LRIG2: variants seen among roughly 807,000 people sequenced by gnomAD.
The protein encoded by LRIG2 is leucine-rich repeats and immunoglobulin-like domains protein 2.
Under a neutral mutation model 107.8 loss-of-function variants are expected in LRIG2, and 93 were observed. That is an observed-to-expected ratio of 0.86 (90% confidence interval 0.73 to 1.03). The LOEUF is 1.03. Ranked by LOEUF, LRIG2 falls within the 50% of genes least tolerant of loss-of-function variation. The pLI, the probability that LRIG2 is intolerant of heterozygous loss-of-function variation, is 0.00. For synonymous variants in LRIG2, 471 were observed against 470.6 expected (o/e 1.00, Z -0.01); for missense variants, 1,226 against 1,296.0 (o/e 0.95, Z 0.83).
chr1:113,126,189 A>C lies in LRIG2; in HGVS notation c.*2088A>C, dbSNP rs1287472457. The C allele has an allele frequency of 6.6e-6, 1 of 152,132 alleles. No homozygotes were observed. The highest frequency in any genetic ancestry group is 1.5e-5 in the Non-Finnish European group (1 of 68,030). The allele number at this position is 152,132 out of a possible 1,614,324, so 9.4% of individuals were successfully genotyped here. A position where few individuals can be genotyped will look rare whatever the true frequency, so the allele number is the denominator to read the frequency against. ...CTATGGGTCAGTTATTTGCTCTCTC[A>C]ATGTCTCATGTTGCTGAGTTCTAGA... is the stretch of plus-strand genomic sequence containing the variant. On this transcript the variant is annotated 3_prime_UTR_variant, in exon 18 of 18. Transcript: ENST00000361127.
At chr1:113,121,491 C>T (rs1655253878) in intron 17 of LRIG2, among the ~76,000 whole-genome samples, 1 of 151,996 alleles carries the variant, frequency 6.6e-6, no homozygotes, top group Non-Finnish European at 1.5e-5. Flanking sequence ...CGCCTGTAAT[C>T]CCAGCACTTT....
intron 15 of LRIG2, 44 bp from the exon 16 acceptor site, chr1:113,116,243 C>T (rs1318256022): frequency 6.4e-7 from 1 of 1,561,884 alleles, no homozygotes. Flanking sequence ...TGAGTGTTGG[C>T]TTCAACTGCC....
In LRIG2 at chr1:113,093,560, T is replaced by C. The variant is rs771155020; in HGVS notation, c.511T>C (p.Tyr171His). The C allele has an allele frequency of 1.9e-6, 3 of 1,586,204 alleles. No homozygotes were observed. The highest frequency in any genetic ancestry group is 2.2e-5 in the South Asian group (2 of 90,778). ...TTCATTTCCTCGCATGCAGCTTAAA[T>C]ACCTGTAAGTAACACAGATTAAATT... ...TSSFPRMQLK[Y>H]LNLSNNRITT... Residue 171 changes from tyrosine (Y) to histidine (H), a missense_variant, in exon 4 of 18, where the codon TAC becomes CAC. This residue lies in a region of LRIG2 where 570 missense variants were observed against 550.2 expected (regional missense o/e 1.04). Transcript: ENST00000361127.
intron 11 of LRIG2, among the ~76,000 whole-genome samples, chr1:113,101,503 A>G (rs758838004): frequency 1.3e-5 from 2 of 152,266 alleles, no homozygotes; most frequent in Non-Finnish European, 2.9e-5. Context: ...ATGAGAAGAT[A>G]AGGATAGAAA....
chr1:113,112,055 A>G (rs1437859641), intron 13 of LRIG2, among the ~76,000 whole-genome samples: 2 of 151,866 alleles, frequency 1.3e-5, no homozygotes, highest in African/African-American at 2.4e-5. Flanking sequence ...GATTAAGTGT[A>G]TCATGCATCC....
intron 1 of LRIG2, among the ~76,000 whole-genome samples, chr1:113,086,214 A>T (rs1330122074): frequency 6.6e-6 from 1 of 151,916 alleles, no homozygotes; most frequent in Non-Finnish European, 1.5e-5. Context: ...CATGTTGGCA[A>T]GGCTGGTCTT....
In LRIG2 at chr1:113,127,561, T is replaced by C. The variant is rs995154736; in HGVS notation, c.*3460T>C. The C allele has an allele frequency of 2.7e-5, 4 of 146,848 alleles. No individual in the cohort carries two copies. The highest frequency in any genetic ancestry group is 1.0e-4 in the African/African-American group (4 of 39,654). 9.1% of individuals were successfully genotyped at this position (146,848 alleles called of 1,614,324 possible). ...ATTCTTATACTGTAAAGCCTTGTAGTGGTCCTTATTTTTTTTTTTTTGAGA... is the reference window on the plus strand; with the variant it reads ...ATTCTTATACTGTAAAGCCTTGTAGCGGTCCTTATTTTTTTTTTTTTGAGA... On this transcript the variant is annotated 3_prime_UTR_variant, in exon 18 of 18. Coordinates refer to ENST00000361127, the MANE Select transcript of LRIG2 (RefSeq NM_014813.3).
At chr1:113,089,655 C>T (rs1357399043) in intron 1 of LRIG2, among the ~76,000 whole-genome samples, 1 of 138,850 alleles carries the variant, frequency 7.2e-6, no homozygotes, top group Non-Finnish European at 1.6e-5. Flanking sequence ...AGATTAATTT[C>T]CTCTTACTGA....
chr1:113,114,725 G>A lies in LRIG2; in HGVS notation c.2379G>A (p.Gln793=), dbSNP rs776491882. The part of the protein sequence containing the change: ...VISSPNCDSS[Q]SSIGHEDDGW... ...CATCCCCCAATTGTGACTCTTCCCAGAGTAGCATTGGGCATGAAGATGATG... is the reference window on the plus strand; with the variant it reads ...CATCCCCCAATTGTGACTCTTCCCAAAGTAGCATTGGGCATGAAGATGATG... Residue 793 remains glutamine, a synonymous_variant, in exon 15 of 18, where the codon CAG becomes CAA. Transcript: ENST00000361127. 2.7e-5 allele frequency: 44 copies of A among 1,614,070 alleles called. No homozygotes were observed. Among genetic ancestry groups the A allele is most frequent in the Non-Finnish European group, 3.6e-5 (43 of 1,180,052 alleles).
rs150592221 is a variant in LRIG2 at position 113,090,129 on chromosome 1, C to T, written c.240-1189C>T. ...ACAGTTAAGGCATAATACATAATCACTACAGGGAATAAAGAAACTCTTTAA... is the reference window on the plus strand; with the variant it reads ...ACAGTTAAGGCATAATACATAATCATTACAGGGAATAAAGAAACTCTTTAA... On this transcript the variant is annotated intron_variant, in intron 1 of 17. Transcript: ENST00000361127. 2.8e-4 allele frequency among the ~76,000 whole-genome samples: 42 copies of T among 152,140 alleles called. 1 individual carries two copies. The East Asian group carries it at 7.9e-3, about 29-fold the overall frequency.
chr1:113,095,468 G>A (rs750639634), intron 6 of LRIG2, among the ~76,000 whole-genome samples: 2 of 151,876 alleles, frequency 1.3e-5, no homozygotes, highest in Admixed American at 1.3e-4. Flanking sequence ...GAGTGCAGTG[G>A]CACAGTCTCG....
At position 113,073,215 on chromosome 1, in the gene LRIG2, C is replaced by G. The variant is rs893785144; in HGVS notation, c.-192C>G. The stretch of plus-strand genomic sequence containing the variant: ...GGAGGGGCGGACGAGAGGTGTCCGT[C>G]AGGCCGTGTGTCCCAGGCCGTCGAC... On this transcript the variant is annotated 5_prime_UTR_variant, in exon 1 of 18. Transcript: ENST00000361127. 1 of 595,344 alleles carries G rather than the reference C, an allele frequency of 1.7e-6. No homozygotes were observed. Among genetic ancestry groups the G allele is most frequent in the East Asian group, 2.7e-5 (1 of 36,488 alleles). The allele number at this position is 595,344 out of a possible 1,614,324, so 36.9% of individuals were successfully genotyped here.
chr1:113,121,249 TC>T (rs1655240683), intron 17 of LRIG2, among the ~76,000 whole-genome samples: 2 of 152,198 alleles, frequency 1.3e-5, no homozygotes, highest in Non-Finnish European at 2.9e-5. Flanking sequence ...TGGGCTTGTG[TC>T]CCCTGTCTCA....
chr1:113,089,510 T>G (rs1432026712), intron 1 of LRIG2, among the ~76,000 whole-genome samples: 1 of 152,128 alleles, frequency 6.6e-6, no homozygotes, highest in South Asian at 2.1e-4. Context: ...GAAAGTATTT[T>G]AAAAGTATTT....
chr1:113,111,640 T>G (rs1654779742), intron 13 of LRIG2, among the ~76,000 whole-genome samples: 1 of 152,248 alleles, frequency 6.6e-6, no homozygotes, highest in Non-Finnish European at 1.5e-5. Flanking sequence ...CAAAAGCTTC[T>G]TAAAAACAGC....
intron 1 of LRIG2, among the ~76,000 whole-genome samples, chr1:113,075,655 C>T (rs1652943437): frequency 6.8e-6 from 1 of 147,818 alleles, no homozygotes. Flanking sequence ...GACAAAACAG[C>T]TTCATTTAGC....
Position 113,093,255 on chromosome 1 carries a change from A to C in LRIG2, c.355A>C (p.Thr119Pro). 3 of 1,597,790 alleles carry C rather than the reference A, an allele frequency of 1.9e-6. No homozygotes were observed. Among genetic ancestry groups the C allele is most frequent in the Non-Finnish European group, 8.5e-7 (1 of 1,171,544 alleles). The change falls in exon 3 of 18, where the codon ACA becomes CCA. Residue 119 changes from threonine (T) to proline (P), a missense_variant. Thr to Pro is a conservative substitution (Grantham distance 38). Around this residue, in one of 3 missense-constraint regions of LRIG2, gnomAD observed 570 missense variants for 550.2 expected, o/e 1.04. Coordinates refer to ENST00000361127, the MANE Select transcript of LRIG2 (RefSeq NM_014813.3). ...LTEIPYFGEP[T>P]SNITLLSLVH... ...AGAAATCCCGTATTTTGGAGAACCT[A>C]CATCTAATATTACTCTACTTTCATT...
intron 2 of LRIG2, 148 bp from the exon 3 acceptor site, chr1:113,093,058 C>A: frequency 5.4e-6 from 3 of 558,854 alleles, no homozygotes; most frequent in South Asian, 4.8e-5. Context: ...TCAATAAATA[C>A]ATTTTTATTT....
At chr1:113,106,627 A>C (rs1429129728) in intron 11 of LRIG2, among the ~76,000 whole-genome samples, 1 of 151,852 alleles carries the variant, frequency 6.6e-6, no homozygotes, top group Non-Finnish European at 1.5e-5. Context: ...GCCTCAGCCT[A>C]CCAAGTAGCT....
Sources: gnomAD v4.1 joint callset for allele counts (sites outside exome capture counted in the v4.1 genomes callset) on GRCh38, gnomAD v4.1.1 for gene constraint, gnomAD v4.1.1 regional missense constraint, MANE v1.5 for transcripts, NCBI Gene and HGNC (gene_info 2026-07-23, HGNC 2026-07-21) for gene names.